ASTN2: variants seen among roughly 807,000 people sequenced by gnomAD.
ASTN2 encodes astrotactin-2.
In ASTN2, 54 loss-of-function variants were observed where a neutral mutation model predicts 139.8. The observed-to-expected ratio is 0.39, with a 90% CI of 0.31 to 0.48. The LOEUF (loss-of-function observed/expected upper bound fraction) is 0.48. Ranked by LOEUF, ASTN2 falls within the 20% of genes least tolerant of loss-of-function variation. The probability of loss-of-function intolerance (pLI) is 0.95; values close to 1 mark genes in which losing one functional copy is unlikely to be tolerated. For missense variants in ASTN2, 1,565 were observed against 1,725.1 expected, an observed-to-expected ratio of 0.91 and a Z score of 1.64; for synonymous variants, 756 against 719.5, an observed-to-expected ratio of 1.05 and a Z score of -0.81.
chr9:116,961,615 C>T (rs1835877115), intron 10 of ASTN2, among the ~76,000 whole-genome samples: 1 of 152,150 alleles, frequency 6.6e-6, no homozygotes, highest in South Asian at 2.1e-4. Context: ...TGAGTTGCTT[C>T]CATGTTTAGC....
Position 116,425,951 on chromosome 9 carries a change from C to A in ASTN2, c.3920G>T (p.Gly1307Val). ...CTTGAGGATGCTATACCACACCATG[C>A]CTGCAGGCCGGACCTCCTCGCTGCG... ...FCRSEEVRPA[G>V]MVWYSILKDT... Residue 1307 changes from glycine to valine, a missense_variant, in exon 23 of 23, where the codon GGC becomes GTC. Around this residue, in one of 4 missense-constraint regions of ASTN2, gnomAD observed 418 missense variants for 465.8 expected, o/e 0.90. Transcript: ENST00000313400. 3 of 1,614,172 alleles carry A rather than the reference C, an allele frequency of 1.9e-6. No individual in the cohort carries two copies. Among genetic ancestry groups the A allele is most frequent in the Non-Finnish European group, 2.5e-6 (3 of 1,180,032 alleles).
intron 3 of ASTN2, among the ~76,000 whole-genome samples, chr9:117,213,759 T>C (rs1832219103): frequency 6.6e-6 from 1 of 152,178 alleles, no homozygotes; most frequent in Non-Finnish European, 1.5e-5. Flanking sequence ...TTGGGTGTTA[T>C]GGCCCAGGAT....
intron 13 of ASTN2, 82 bp from the exon 14 acceptor site, chr9:116,733,605 A>T (rs539211016): frequency 6.4e-7 from 1 of 1,572,410 alleles, no homozygotes; most frequent in East Asian, 2.3e-5. Flanking sequence ...AGGATGCTGT[A>T]GTCAGAATAA....
At chr9:116,702,494 G>A (rs1388708996) in intron 16 of ASTN2, among the ~76,000 whole-genome samples, 1 of 151,954 alleles carries the variant, frequency 6.6e-6, no homozygotes, top group Non-Finnish European at 1.5e-5. Context: ...TCACTGTGTT[G>A]CAATTATCTG....
At chr9:116,941,282 TG>T (rs1835221124) in intron 10 of ASTN2, among the ~76,000 whole-genome samples, 1 of 152,146 alleles carries the variant, frequency 6.6e-6, no homozygotes, top group South Asian at 2.1e-4. Context: ...TGGGATAATC[TG>T]GGATACTTGT....
chr9:117,366,111 C>T (rs1829837767), intron 1 of ASTN2, among the ~76,000 whole-genome samples: 1 of 152,146 alleles, frequency 6.6e-6, no homozygotes, highest in African/African-American at 2.4e-5. Flanking sequence ...AGCACCGCTG[C>T]TACATACTGG....
chr9:117,221,449 C>T (rs1320087279), intron 2 of ASTN2, among the ~76,000 whole-genome samples: 3 of 152,174 alleles, frequency 2.0e-5, no homozygotes, highest in African/African-American at 4.8e-5. Flanking sequence ...GACAATGTGT[C>T]ATTCAGAAAC....
At chr9:116,925,440 A>C (rs114741014) in intron 10 of ASTN2, among the ~76,000 whole-genome samples, 157 of 152,314 alleles carry the variant, frequency 1.0e-3, no homozygotes, top group African/African-American at 3.7e-3. Context: ...GCTAGATTTC[A>C]TCACCTGGGG....
intron 16 of ASTN2, among the ~76,000 whole-genome samples, chr9:116,677,567 C>G (rs1010722770): frequency 1.3e-5 from 2 of 152,120 alleles, no homozygotes; most frequent in Non-Finnish European, 2.9e-5. Context: ...GAGAAGCATG[C>G]TATTGGCCAC....
At chr9:116,898,076 C>T (rs538693633) in intron 10 of ASTN2, among the ~76,000 whole-genome samples, 13 of 151,782 alleles carry the variant, frequency 8.6e-5, no homozygotes, top group African/African-American at 1.7e-4. Flanking sequence ...ATGTCTAGTA[C>T]GTAGCCTAGT....
Position 116,834,173 on chromosome 9 carries a change from A to C in ASTN2, c.2041-13390T>G, listed in dbSNP as rs530585479. 2.0e-5 allele frequency among the ~76,000 whole-genome samples: 3 copies of C among 152,340 alleles called. No individual in the cohort carries two copies. The East Asian group carries it at 5.8e-4, about 29-fold the overall frequency. On this transcript the variant is annotated intron_variant, in intron 11 of 22. Coordinates refer to ENST00000313400, the MANE Select transcript of ASTN2 (RefSeq NM_001365068.1). ...CAGAGAACACACTCCATACAATTTGAATCTTAAAATTTGCTGAGGCTTTTT... is the reference window on the plus strand; with the variant it reads ...CAGAGAACACACTCCATACAATTTGCATCTTAAAATTTGCTGAGGCTTTTT...
chr9:116,761,093 G>C (rs1035674709), intron 13 of ASTN2, among the ~76,000 whole-genome samples: 5 of 152,162 alleles, frequency 3.3e-5, no homozygotes, highest in African/African-American at 1.2e-4. Context: ...CCTCATATCT[G>C]CTGTTCATTC....
chr9:116,827,937 AACG>A (rs1287041999), intron 11 of ASTN2, among the ~76,000 whole-genome samples: 6 of 134,554 alleles, frequency 4.5e-5, no homozygotes, highest in Admixed American at 3.1e-4. Flanking sequence ...AAATAACAAC[AACG>A]AAAAAGAAAA....
chr9:116,651,565 G>T lies in ASTN2; in HGVS notation c.3035C>A (p.Pro1012Gln). The T allele has an allele frequency of 1.9e-6, 3 of 1,614,148 alleles. No individual in the cohort carries two copies. Among genetic ancestry groups the T allele is most frequent in the Non-Finnish European group, 2.5e-6 (3 of 1,180,030 alleles). The change falls in exon 17 of 23, where the codon CCA (proline) becomes CAA (glutamine). Residue 1012 changes from proline to glutamine, a missense_variant. Coordinates refer to ENST00000313400, the MANE Select transcript of ASTN2 (RefSeq NM_001365068.1). The part of the protein sequence containing the change: ...PVLLEINRVV[P>Q]LYTLIQDNGT... ...ATTGTCTTGGATGAGGGTATAAAGT[G>T]GCACCACACGGTTGATTTCCAGCAG...
rs553473559 is a variant in ASTN2, at chr9:117,055,659, T to C, written c.1277-15694A>G. On this transcript the variant is annotated intron_variant, in intron 5 of 22. Transcript: ENST00000313400. ...ACATCCTGGCTAGAATTAGAGAACA[T>C]GAAACCTGGTGATAAATCAGTCTTC... Among the ~76,000 whole-genome samples the C allele has an allele frequency of 3.3e-5, 5 of 152,244 alleles. No individual in the cohort carries two copies. In the East Asian group the frequency reaches 9.7e-4, roughly 29 times the overall value.
At chr9:116,556,857 C>T (rs1852645649) in intron 19 of ASTN2, among the ~76,000 whole-genome samples, 1 of 152,054 alleles carries the variant, frequency 6.6e-6, no homozygotes, top group Non-Finnish European at 1.5e-5. Flanking sequence ...TACGCACACA[C>T]ATATATGTGT....
Position 116,462,787 on chromosome 9 carries a change from C to CGTGTGTGTGTGTGTGTGTGT in ASTN2, c.3498-20235_3498-20234insACACACACACACACACACAC, listed in dbSNP as rs1376062376. 1.1e-3 allele frequency among the ~76,000 whole-genome samples: 110 copies of CGTGTGTGTGTGTGTGTGTGT among 97,620 alleles called. 5 individuals are homozygous for CGTGTGTGTGTGTGTGTGTGT. The East Asian group carries it at 0.022, about 19-fold the overall frequency. The allele number at this position is 97,620 out of a possible 152,430, so 64.0% of individuals were successfully genotyped here. A position where few individuals can be genotyped will look rare whatever the true frequency, so the allele number is the denominator to read the frequency against. ...TCTTTAAGGGTAAGTGTTGGGTGAG[C>CGTGTGTGTGTGTGTGTGTGT]ATGTGTGTGTGTGTGTGTGTGTGTG... is the stretch of plus-strand genomic sequence containing the variant. On this transcript the variant is annotated intron_variant, in intron 20 of 22. Coordinates refer to ENST00000313400, the MANE Select transcript of ASTN2 (RefSeq NM_001365068.1).
Position 116,466,091 on chromosome 9 carries a change from C to T in ASTN2, c.3497+21268G>A, listed in dbSNP as rs541726581. On this transcript the variant is annotated intron_variant, in intron 20 of 22. Coordinates refer to ENST00000313400, the MANE Select transcript of ASTN2 (RefSeq NM_001365068.1). Reference sequence around the variant, plus strand: ...GCAAGACAAAGCAGGGTTTATTGCCCACATTTTACATTCAGTGAACTTGCT... The same window carrying T: ...GCAAGACAAAGCAGGGTTTATTGCCTACATTTTACATTCAGTGAACTTGCT... 1.2e-4 allele frequency among the ~76,000 whole-genome samples: 19 copies of T among 152,270 alleles called. No individual in the cohort carries two copies. The South Asian group carries it at 2.3e-3, about 18-fold the overall frequency.
At chr9:116,926,891 A>G (rs1476716102) in intron 10 of ASTN2, among the ~76,000 whole-genome samples, 1 of 152,230 alleles carries the variant, frequency 6.6e-6, no homozygotes, top group East Asian at 1.9e-4. Context: ...AATTAAATAT[A>G]TATGAGGGAG....
Sources: allele counts gnomAD v4.1 joint callset (sites outside exome capture counted in the v4.1 genomes callset), GRCh38; gene constraint gnomAD v4.1.1; regional missense constraint gnomAD v4.1.1; transcripts MANE v1.5; gene names NCBI Gene and HGNC (gene_info 2026-07-23, HGNC 2026-07-21).